Variants in UNC5D observed in about 807,000 individuals in gnomAD.
The protein encoded by UNC5D is netrin receptor UNC5D.
Under a neutral mutation model 105.4 loss-of-function variants are expected in UNC5D, and 39 were observed. The ratio of observed to expected loss-of-function variants is 0.37; its 90% CI spans 0.29 to 0.48. UNC5D has a LOEUF of 0.48. UNC5D is among the 20% of genes least tolerant of loss of function. The pLI is 0.98. For synonymous variants in UNC5D, 452 were observed against 450.4 expected, an observed-to-expected ratio of 1.00 and a Z score of -0.04; for missense variants, 991 against 1,202.4, an observed-to-expected ratio of 0.82 and a Z score of 2.60.
At chr8:35,375,755 A>C (rs1309805087) in intron 1 of UNC5D, among the ~76,000 whole-genome samples, 3 of 152,190 alleles carry the variant, frequency 2.0e-5, no homozygotes, top group Non-Finnish European at 4.4e-5. Flanking sequence ...CTATAAAGGA[A>C]TTGTCTGGCA....
intron 1 of UNC5D, among the ~76,000 whole-genome samples, chr8:35,456,274 T>C (rs1284522941): frequency 6.6e-6 from 1 of 152,172 alleles, no homozygotes; most frequent in Non-Finnish European, 1.5e-5. Context: ...AATTTGAATG[T>C]GTGTTAAAAT....
chr8:35,677,251 T>A (rs1039630197), intron 4 of UNC5D, among the ~76,000 whole-genome samples: 1 of 152,200 alleles, frequency 6.6e-6, no homozygotes, highest in African/African-American at 2.4e-5. Context: ...TATCATTTTT[T>A]AAAAATACCC....
rs1346022531 is a variant in UNC5D at position 35,498,068 on chromosome 8, T to TCAAAA, written c.104-51208_104-51204dup. ...TGGGCAACAAGAGCAAAACTCCATC[T>TCAAAA]CAAAACAAAACAAAACAAAAAAAAA... On this transcript the variant is annotated intron_variant, in intron 1 of 16. Coordinates refer to ENST00000404895, the MANE Select transcript of UNC5D (RefSeq NM_080872.4). Among the ~76,000 whole-genome samples the TCAAAA allele has an allele frequency of 7.1e-3, 244 of 34,270 alleles. 2 individuals carry two copies. Among genetic ancestry groups the TCAAAA allele is most frequent in the African/African-American group, 0.011 (96 of 8,798 alleles). 22.5% of individuals were successfully genotyped at this position (34,270 alleles called of 152,430 possible). A position where few individuals can be genotyped will look rare whatever the true frequency, so the allele number is the denominator to read the frequency against.
chr8:35,676,424 A>G (rs1825226234), intron 4 of UNC5D, among the ~76,000 whole-genome samples: 1 of 152,180 alleles, frequency 6.6e-6, no homozygotes, highest in Non-Finnish European at 1.5e-5. Context: ...AACCTTCAGG[A>G]ATGTTAGGCC....
chr8:35,453,498 A>G (rs1392292030), intron 1 of UNC5D, among the ~76,000 whole-genome samples: 1 of 152,222 alleles, frequency 6.6e-6, no homozygotes, highest in Non-Finnish European at 1.5e-5. Context: ...TAGTAGGGCT[A>G]CATTGACCAC....
At chr8:35,568,352 T>A (rs2589340) in intron 3 of UNC5D, 111 bp downstream of exon 3, 1,381,495 of 1,381,498 alleles carry the variant, frequency 1, 690,746 homozygotes, top group Non-Finnish European at 1. Context: ...AAATGAGAGG[T>A]CTTAAATTTA....
chr8:35,703,799 G>C (rs949032581), intron 7 of UNC5D, among the ~76,000 whole-genome samples: 1 of 152,230 alleles, frequency 6.6e-6, no homozygotes, highest in Non-Finnish European at 1.5e-5. Context: ...ATGTCTCCTA[G>C]TGTAGTTGTA....
intron 4 of UNC5D, among the ~76,000 whole-genome samples, chr8:35,650,760 C>T (rs978195466): frequency 1.3e-5 from 2 of 152,146 alleles, no homozygotes; most frequent in Non-Finnish European, 1.5e-5. Flanking sequence ...GCATGAGCCA[C>T]GGTGCCCAGC....
chr8:35,377,150 A>T (rs952322544), intron 1 of UNC5D, among the ~76,000 whole-genome samples: 1 of 152,128 alleles, frequency 6.6e-6, no homozygotes, highest in African/African-American at 2.4e-5. Context: ...TGCCTAGCAA[A>T]TACTCTTTGC....
chr8:35,322,078 A>G (rs923540774), intron 1 of UNC5D, among the ~76,000 whole-genome samples: 1 of 152,196 alleles, frequency 6.6e-6, no homozygotes, highest in Non-Finnish European at 1.5e-5. Flanking sequence ...TATTGCCTAC[A>G]TAATCAAGAG....
intron 1 of UNC5D, chr8:35,525,604 C>T: frequency 1.9e-6 from 3 of 1,613,410 alleles, no homozygotes; most frequent in Non-Finnish European, 2.5e-6. Context: ...AGCAAGATGT[C>T]TGCATGGTTG....
intron 4 of UNC5D, among the ~76,000 whole-genome samples, chr8:35,657,104 A>ATATATATATATC (rs1823822136): frequency 8.6e-6 from 1 of 115,788 alleles, no homozygotes; most frequent in Non-Finnish European, 1.9e-5. Flanking sequence ...ATATATATAT[A>ATATATATATATC]TATATATATA....
chr8:35,400,353 A>G (rs7825411), intron 1 of UNC5D, among the ~76,000 whole-genome samples: 3,512 of 152,158 alleles, frequency 0.023, 140 homozygotes, highest in African/African-American at 0.082. Context: ...TATTCTGGTG[A>G]TATGTTATTA....
At chr8:35,251,255 AT>A (rs1563250667) in intron 1 of UNC5D, among the ~76,000 whole-genome samples, 1 of 152,144 alleles carries the variant, frequency 6.6e-6, no homozygotes, top group South Asian at 2.1e-4. Flanking sequence ...GAAACTTATA[AT>A]TATGGCAGAA....
intron 3 of UNC5D, among the ~76,000 whole-genome samples, chr8:35,577,869 G>A (rs1429124995): frequency 6.6e-6 from 1 of 152,136 alleles, no homozygotes; most frequent in Non-Finnish European, 1.5e-5. Context: ...TCAACAGCAT[G>A]TGATTTGATG....
intron 1 of UNC5D, among the ~76,000 whole-genome samples, chr8:35,392,334 C>T (rs1399892558): frequency 6.6e-6 from 1 of 152,166 alleles, no homozygotes; most frequent in Non-Finnish European, 1.5e-5. Context: ...ACCTCGGCCT[C>T]TCCAGTGGCT....
At chr8:35,485,324 T>G (rs1338205410) in intron 1 of UNC5D, among the ~76,000 whole-genome samples, 1 of 152,222 alleles carries the variant, frequency 6.6e-6, no homozygotes, top group Non-Finnish European at 1.5e-5. Flanking sequence ...ACTGTCAGTA[T>G]AACATCTCTG....
chr8:35,506,013 T>C (rs2589765), intron 1 of UNC5D, among the ~76,000 whole-genome samples: 19,778 of 152,262 alleles, frequency 0.13, 1,314 homozygotes, highest in African/African-American at 0.17. Flanking sequence ...ATTGTCATTA[T>C]TTTCAATTAT....
At chr8:35,435,979 G>A (rs974960330) in intron 1 of UNC5D, among the ~76,000 whole-genome samples, 3 of 151,932 alleles carry the variant, frequency 2.0e-5, no homozygotes, top group Non-Finnish European at 2.9e-5. Context: ...TAGCCATGAA[G>A]TATAGAAGAT....
Sources: gnomAD v4.1 joint callset for allele counts (sites outside exome capture counted in the v4.1 genomes callset) on GRCh38, gnomAD v4.1.1 for gene constraint, MANE v1.5 for transcripts, NCBI Gene and HGNC (gene_info 2026-07-23, HGNC 2026-07-21) for gene names.